SLX4IP: variants seen among roughly 807,000 people sequenced by gnomAD.
SLX4IP encodes the protein protein SLX4IP.
A neutral mutation model predicts 32.9 loss-of-function variants in SLX4IP; 34 were observed. That is an observed-to-expected ratio of 1.03 (90% CI 0.79 to 1.38). The LOEUF (loss-of-function observed/expected upper bound fraction) is 1.38, where lower values mean the gene tolerates loss of function less well. Ranked by LOEUF, SLX4IP falls within the 40% of genes most tolerant of loss-of-function variation. The pLI is 0.00. For missense variants in SLX4IP, 444 were observed against 479.0 expected (o/e 0.93, Z 0.68); for synonymous variants, 172 against 171.7 (o/e 1.00, Z -0.01).
intron 4 of SLX4IP, among the ~76,000 whole-genome samples, chr20:10,568,767 C>T (rs1477671693): frequency 6.6e-6 from 1 of 152,202 alleles, no homozygotes; most frequent in Non-Finnish European, 1.5e-5. Context: ...ACTGTGGATT[C>T]TGTCAGTTGC....
intron 2 of SLX4IP, among the ~76,000 whole-genome samples, chr20:10,553,351 C>T (rs187002441): frequency 1.3e-5 from 2 of 152,286 alleles, no homozygotes; most frequent in East Asian, 3.9e-4. Context: ...TCCTATGTCT[C>T]AAATTTTTCT....
intron 1 of SLX4IP, among the ~76,000 whole-genome samples, chr20:10,445,033 C>T (rs2065190305): frequency 6.6e-6 from 1 of 152,146 alleles, no homozygotes; most frequent in Non-Finnish European, 1.5e-5. Flanking sequence ...CCCACAGATT[C>T]TCCGTCAATT....
At chr20:10,507,373 G>A (rs1161536817) in intron 2 of SLX4IP, among the ~76,000 whole-genome samples, 1 of 152,136 alleles carries the variant, frequency 6.6e-6, no homozygotes, top group African/African-American at 2.4e-5. Context: ...TTAAAGTGGG[G>A]AGATGAGGTG....
At chr20:10,619,653 C>G (rs950169680) in intron 6 of SLX4IP, among the ~76,000 whole-genome samples, 1 of 152,162 alleles carries the variant, frequency 6.6e-6, no homozygotes, top group South Asian at 2.1e-4. Flanking sequence ...TGTTCAAAGC[C>G]TGACTCATGC....
Position 10,625,241 on chromosome 20 carries a change from C to T in SLX4IP, c.*1862C>T, listed in dbSNP as rs1244228049. On this transcript the variant is annotated 3_prime_UTR_variant, in exon 8 of 8. Coordinates refer to ENST00000334534, the MANE Select transcript of SLX4IP (RefSeq NM_001009608.3). ...GTGCTCTTTATTGAACACAGGACCA[C>T]AGTGTGTCACTGAATCTTCTTAAAC... 6.6e-6 allele frequency: 1 copy of T among 152,198 alleles called. No homozygotes were observed. The highest frequency in any genetic ancestry group is 6.5e-5 in the Admixed American group (1 of 15,284). 9.4% of individuals were successfully genotyped at this position (152,198 alleles called of 1,614,324 possible).
intron 1 of SLX4IP, among the ~76,000 whole-genome samples, chr20:10,439,812 A>T (rs888675175): frequency 6.6e-6 from 1 of 152,222 alleles, no homozygotes; most frequent in African/African-American, 2.4e-5. Context: ...AAACCTATTT[A>T]TTAGGTAGCA....
At chr20:10,439,680 G>A (rs956534858) in intron 1 of SLX4IP, among the ~76,000 whole-genome samples, 1 of 152,236 alleles carries the variant, frequency 6.6e-6, no homozygotes, top group African/African-American at 2.4e-5. Flanking sequence ...AATGCAAAAT[G>A]TGTGCATTGA....
At chr20:10,570,909 A>G (rs2066456870) in intron 4 of SLX4IP, among the ~76,000 whole-genome samples, 1 of 152,160 alleles carries the variant, frequency 6.6e-6, no homozygotes, top group African/African-American at 2.4e-5. Flanking sequence ...GGCTCATGGC[A>G]GCCTCAACCA....
chr20:10,451,136 T>A (rs917290575), intron 1 of SLX4IP, among the ~76,000 whole-genome samples: 8 of 152,106 alleles, frequency 5.3e-5, no homozygotes, highest in Non-Finnish European at 1.2e-4. Flanking sequence ...AGAAATAAAA[T>A]ATTCAGGATA....
intron 4 of SLX4IP, among the ~76,000 whole-genome samples, chr20:10,568,026 T>C (rs1185863645): frequency 1.3e-5 from 2 of 152,256 alleles, no homozygotes; most frequent in African/African-American, 2.4e-5. Context: ...TTGATGTTTG[T>C]GCCTATTTCT....
At chr20:10,557,034 C>T (rs2066273857) in intron 3 of SLX4IP, among the ~76,000 whole-genome samples, 1 of 152,200 alleles carries the variant, frequency 6.6e-6, no homozygotes, top group Admixed American at 6.5e-5. Context: ...CTTCTCTGAT[C>T]CCTGCTCACC....
intron 2 of SLX4IP, among the ~76,000 whole-genome samples, chr20:10,468,271 G>A (rs1342252473): frequency 2.0e-5 from 3 of 152,024 alleles, no homozygotes. Context: ...AGCCTTTATT[G>A]TCCTTGTTTT....
In SLX4IP at chr20:10,573,505, G is replaced by T. The variant is rs951933216; in HGVS notation, c.238+12685G>T. Reference sequence around the variant, plus strand: ...TGGGCAGTTAGAATGTGCTCCTATTGTGCACACCCATGCACAGTAGGAATG... The same window carrying T: ...TGGGCAGTTAGAATGTGCTCCTATTTTGCACACCCATGCACAGTAGGAATG... On this transcript the variant is annotated intron_variant, in intron 4 of 7. Coordinates refer to ENST00000334534, the MANE Select transcript of SLX4IP (RefSeq NM_001009608.3). Among the ~76,000 whole-genome samples the T allele has an allele frequency of 2.6e-5, 4 of 152,230 alleles. No homozygotes were observed. The South Asian group carries it at 8.3e-4, about 32-fold the overall frequency.
intron 4 of SLX4IP, among the ~76,000 whole-genome samples, chr20:10,574,511 G>A (rs8119525): frequency 0.12 from 18,368 of 152,090 alleles, 1,329 homozygotes; most frequent in South Asian, 0.29. Context: ...TTCTGATGGA[G>A]CTTTTATGGT....
chr20:10,538,311 C>T (rs1240859801), intron 2 of SLX4IP, among the ~76,000 whole-genome samples: 3 of 152,104 alleles, frequency 2.0e-5, no homozygotes, highest in South Asian at 2.1e-4. Context: ...TCTACTTTGG[C>T]ACTAATGACA....
At chr20:10,592,404 AAGGCCCCATCAAGGCTTTTTCAT>A (rs1388717125) in intron 4 of SLX4IP, among the ~76,000 whole-genome samples, 1 of 151,920 alleles carries the variant, frequency 6.6e-6, no homozygotes, top group Non-Finnish European at 1.5e-5. Flanking sequence ...CATGTTTCCA[AAGGCCCCATCAAGGCTTTTTCAT>A]AGGCCCCATC....
intron 1 of SLX4IP, among the ~76,000 whole-genome samples, chr20:10,437,813 T>C (rs755193838): frequency 5.9e-5 from 9 of 152,230 alleles, no homozygotes; most frequent in Non-Finnish European, 4.4e-5. Flanking sequence ...ATACCTCATA[T>C]TGTGTGTGGC....
At chr20:10,557,494 T>C (rs950005783) in intron 3 of SLX4IP, among the ~76,000 whole-genome samples, 2 of 152,204 alleles carry the variant, frequency 1.3e-5, no homozygotes, top group African/African-American at 4.8e-5. Context: ...CATCTCCTAC[T>C]GCCACTTACC....
chr20:10,436,252 A>G (rs559306042), intron 1 of SLX4IP, among the ~76,000 whole-genome samples: 1 of 152,052 alleles, frequency 6.6e-6, no homozygotes, highest in East Asian at 1.9e-4. Flanking sequence ...ATTACACTTC[A>G]TGACTCTCAC....
Sources: allele counts gnomAD v4.1 joint callset (sites outside exome capture counted in the v4.1 genomes callset), GRCh38; gene constraint gnomAD v4.1.1; transcripts MANE v1.5; gene names NCBI Gene and HGNC (gene_info 2026-07-23, HGNC 2026-07-21).